Variants in HS3ST4 observed in about 807,000 individuals in gnomAD.
HS3ST4 encodes the protein heparan sulfate-glucosamine 3-sulfotransferase 4.
In HS3ST4, 17 loss-of-function variants were observed where a neutral mutation model predicts 29.2. That is an observed-to-expected ratio of 0.58 (90% CI 0.40 to 0.87). HS3ST4 has a LOEUF of 0.87. Among genes scored for constraint, HS3ST4 ranks in the 40% least tolerant of loss-of-function variants. The pLI, the probability that HS3ST4 is intolerant of heterozygous loss-of-function variation, is 0.00. For synonymous variants in HS3ST4, 314 were observed against 285.7 expected (o/e 1.10, Z -1.00); for missense variants, 627 against 634.5 (o/e 0.99, Z 0.13).
intron 1 of HS3ST4, among the ~76,000 whole-genome samples, chr16:25,903,384 A>T (rs1038138326): frequency 5.4e-5 from 3 of 55,062 alleles, no homozygotes; most frequent in Non-Finnish European, 1.2e-4. Flanking sequence ...TATATATATA[A>T]AATCACATAT....
chr16:26,008,811 C>G (rs1969282685), intron 1 of HS3ST4, among the ~76,000 whole-genome samples: 2 of 152,072 alleles, frequency 1.3e-5, no homozygotes, highest in African/African-American at 4.8e-5. Flanking sequence ...AGAGTGAGAC[C>G]ATGTCTCTAG....
chr16:26,127,224 T>C (rs1296850829), intron 1 of HS3ST4, among the ~76,000 whole-genome samples: 2 of 152,338 alleles, frequency 1.3e-5, no homozygotes, highest in East Asian at 1.9e-4. Context: ...TCTTCTGTCA[T>C]TGGGAAAATC....
intron 1 of HS3ST4, among the ~76,000 whole-genome samples, chr16:25,909,748 T>C (rs921118250): frequency 6.6e-6 from 1 of 152,242 alleles, no homozygotes; most frequent in Admixed American, 6.5e-5. Flanking sequence ...TTTGAACAAG[T>C]GTGCAAAATT....
At chr16:25,891,176 C>T (rs1968004156) in intron 1 of HS3ST4, among the ~76,000 whole-genome samples, 1 of 152,110 alleles carries the variant, frequency 6.6e-6, no homozygotes, top group African/African-American at 2.4e-5. Context: ...GAGCCTGTCA[C>T]CGGGTATTAG....
intron 1 of HS3ST4, among the ~76,000 whole-genome samples, chr16:25,971,443 C>T (rs984169480): frequency 3.9e-5 from 6 of 152,194 alleles, no homozygotes; most frequent in African/African-American, 1.4e-4. Context: ...CTTGCAGAGG[C>T]TACTTTTTAG....
chr16:25,795,258 A>C (rs897458643), intron 1 of HS3ST4, among the ~76,000 whole-genome samples: 1 of 151,834 alleles, frequency 6.6e-6, no homozygotes, highest in African/African-American at 2.4e-5. Flanking sequence ...GGCGTGAGCC[A>C]CCGCACCTGG....
intron 1 of HS3ST4, among the ~76,000 whole-genome samples, chr16:25,787,601 G>T (rs1966859549): frequency 6.6e-6 from 1 of 152,216 alleles, no homozygotes; most frequent in African/African-American, 2.4e-5. Context: ...GATGGTCTGG[G>T]TCACCTGCCA....
intron 1 of HS3ST4, among the ~76,000 whole-genome samples, chr16:25,726,543 G>A (rs1966536134): frequency 6.6e-6 from 1 of 152,172 alleles, no homozygotes; most frequent in Non-Finnish European, 1.5e-5. Flanking sequence ...CAGTCAGGGT[G>A]ATTTAAAGGC....
In HS3ST4 at chr16:26,107,632, G is replaced by A. The variant is rs1388291034; in HGVS notation, c.735-27980G>A. On this transcript the variant is annotated intron_variant, in intron 1 of 1. Coordinates refer to ENST00000331351, the MANE Select transcript of HS3ST4 (RefSeq NM_006040.3). ...TAGCGTAGCTCCCACTTACAAATGAGAACATATGATATTTGGTTTTCCATT... is the reference window on the plus strand; with the variant it reads ...TAGCGTAGCTCCCACTTACAAATGAAAACATATGATATTTGGTTTTCCATT... Among the ~76,000 whole-genome samples, 4 of 152,156 alleles carry A rather than the reference G, an allele frequency of 2.6e-5. No individual in the cohort carries two copies. In the East Asian group the frequency reaches 7.7e-4, roughly 29 times the overall value.
At chr16:25,740,243 A>T (rs1567230718) in intron 1 of HS3ST4, among the ~76,000 whole-genome samples, 1 of 152,194 alleles carries the variant, frequency 6.6e-6, no homozygotes, top group African/African-American at 2.4e-5. Flanking sequence ...ATGACATCTT[A>T]AAGAAACAGA....
At chr16:25,850,811 G>T (rs1337341223) in intron 1 of HS3ST4, among the ~76,000 whole-genome samples, 1 of 152,202 alleles carries the variant, frequency 6.6e-6, no homozygotes, top group Non-Finnish European at 1.5e-5. Context: ...CTAGGTCGTT[G>T]TGTCTGGAAA....
chr16:25,775,522 T>A (rs888788900), intron 1 of HS3ST4, among the ~76,000 whole-genome samples: 2 of 152,170 alleles, frequency 1.3e-5, no homozygotes, highest in African/African-American at 4.8e-5. Context: ...GCCTTTATGA[T>A]CCCAGGTGCC....
At chr16:25,728,588 T>G (rs1428659374) in intron 1 of HS3ST4, among the ~76,000 whole-genome samples, 1 of 152,146 alleles carries the variant, frequency 6.6e-6, no homozygotes, top group Non-Finnish European at 1.5e-5. Flanking sequence ...GTAAGGAAAG[T>G]ATTCATGGGA....
chr16:25,970,562 T>G (rs1441457191), intron 1 of HS3ST4, among the ~76,000 whole-genome samples: 5 of 152,098 alleles, frequency 3.3e-5, no homozygotes, highest in Non-Finnish European at 7.3e-5. Flanking sequence ...CAGGCTGGTA[T>G]GCAGTGATGT....
chr16:25,873,198 C>A (rs1263861628), intron 1 of HS3ST4, among the ~76,000 whole-genome samples: 1 of 151,832 alleles, frequency 6.6e-6, no homozygotes, highest in East Asian at 1.9e-4. Context: ...ATCTATCCAT[C>A]CACCTACTCA....
At chr16:25,965,637 T>C (rs1181811441) in intron 1 of HS3ST4, among the ~76,000 whole-genome samples, 1 of 152,186 alleles carries the variant, frequency 6.6e-6, no homozygotes, top group Non-Finnish European at 1.5e-5. Flanking sequence ...TCCATTCCTT[T>C]TTATCATTCG....
chr16:25,881,125 CT>C (rs1314950435), intron 1 of HS3ST4, among the ~76,000 whole-genome samples: 1 of 151,966 alleles, frequency 6.6e-6, no homozygotes. Context: ...AAGGGATGTC[CT>C]AGTGGAAAAA....
chr16:25,697,876 T>C (rs938071796), intron 1 of HS3ST4, among the ~76,000 whole-genome samples: 3 of 152,126 alleles, frequency 2.0e-5, no homozygotes, highest in Non-Finnish European at 4.4e-5. Context: ...TTTCACCATG[T>C]TGGCCAGGAT....
At chr16:26,037,058 G>T (rs1007185589) in intron 1 of HS3ST4, among the ~76,000 whole-genome samples, 8 of 152,144 alleles carry the variant, frequency 5.3e-5, no homozygotes, top group Non-Finnish European at 8.8e-5. Context: ...TTTGGTGTGG[G>T]TACCAATCAA....
Sources: allele counts gnomAD v4.1 joint callset (sites outside exome capture counted in the v4.1 genomes callset), GRCh38; gene constraint gnomAD v4.1.1; transcripts MANE v1.5; gene names NCBI Gene and HGNC (gene_info 2026-07-23, HGNC 2026-07-21).